Variants in THSD7B observed in about 807,000 individuals in gnomAD.
THSD7B encodes the protein thrombospondin type 1 domain containing 7B.
A neutral mutation model predicts 213.6 loss-of-function variants in THSD7B; 138 were observed. That is an observed-to-expected ratio of 0.65 (90% confidence interval 0.56 to 0.74). THSD7B has a LOEUF of 0.74. Among genes scored for constraint, THSD7B ranks in the 30% least tolerant of loss-of-function variants. THSD7B has a pLI of 0.00. For synonymous variants in THSD7B, 742 were observed against 687.0 expected, an observed-to-expected ratio of 1.08 and a Z score of -1.25; for missense variants, 1,931 against 1,991.5, an observed-to-expected ratio of 0.97 and a Z score of 0.58.
At chr2:137,439,782 A>G (rs984715971) in intron 14 of THSD7B, among the ~76,000 whole-genome samples, 1 of 152,132 alleles carries the variant, frequency 6.6e-6, no homozygotes, top group African/African-American at 2.4e-5. Flanking sequence ...AAACTTTTCG[A>G]GGTACATTTT....
At chr2:137,112,373 A>AT (rs1553471718) in intron 4 of THSD7B, among the ~76,000 whole-genome samples, 2 of 151,240 alleles carry the variant, frequency 1.3e-5, no homozygotes, top group Admixed American at 6.6e-5. Flanking sequence ...TAAAAAAAAA[A>AT]TAGCAATAGT....
rs759978910 is a variant in THSD7B at position 136,825,718 on chromosome 2, A to ATTTTTTTTTTTTTTGTTTTTTTT, written c.-35-56412_-35-56411insGTTTTTTTTTTTTTTTTTTTTTT. Among the ~76,000 whole-genome samples, 49 of 116,882 alleles carry ATTTTTTTTTTTTTTGTTTTTTTT rather than the reference A, an allele frequency of 4.2e-4. 4 individuals are homozygous for ATTTTTTTTTTTTTTGTTTTTTTT. Among genetic ancestry groups the ATTTTTTTTTTTTTTGTTTTTTTT allele is most frequent in the East Asian group, 1.8e-3 (5 of 2,730 alleles). The allele number at this position is 116,882 out of a possible 152,430, so 76.7% of individuals were successfully genotyped here. ...AGGTGCTCACTGCCATGCCTGGCTA[A>ATTTTTTTTTTTTTTGTTTTTTTT]TTTTTTTTTTTTTTTTAGATCTGGG... On this transcript the variant is annotated intron_variant, in intron 1 of 27. Transcript: ENST00000409968.
At chr2:137,619,720 A>G (rs1358346246) in intron 19 of THSD7B, among the ~76,000 whole-genome samples, 3 of 152,250 alleles carry the variant, frequency 2.0e-5, no homozygotes, top group African/African-American at 4.8e-5. Context: ...TCCAGATACC[A>G]TATGCCCAAT....
intron 12 of THSD7B, among the ~76,000 whole-genome samples, chr2:137,387,200 G>A (rs1685916265): frequency 6.6e-6 from 1 of 152,222 alleles, no homozygotes; most frequent in African/African-American, 2.4e-5. Context: ...AGTCATCAAG[G>A]AGATTTTTGG....
At chr2:137,288,248 CA>C (rs1264382126) in intron 12 of THSD7B, among the ~76,000 whole-genome samples, 1 of 152,070 alleles carries the variant, frequency 6.6e-6, no homozygotes, top group African/African-American at 2.4e-5. Flanking sequence ...GGAATGCAAA[CA>C]AATACAAAAG....
rs1215185747 is a variant in THSD7B, at chr2:137,590,792, G to GTTTTTTTTTTTTT, written c.3423+18245_3423+18257dup. 3.3e-4 allele frequency among the ~76,000 whole-genome samples: 29 copies of GTTTTTTTTTTTTT among 88,702 alleles called. 3 individuals are homozygous for GTTTTTTTTTTTTT. The highest frequency in any genetic ancestry group is 8.9e-3 in the Middle Eastern group (1 of 112). 58.2% of individuals were successfully genotyped at this position (88,702 alleles called of 152,430 possible). ...GCATTTTTCCCTCTGCTTTGAAATAGTTTTTTTTTTTTTTTTTTTTTAGCT... is the reference window on the plus strand; with the variant it reads ...GCATTTTTCCCTCTGCTTTGAAATAGTTTTTTTTTTTTTTTTTTTTTTTTTTTTTTTTTTAGCT... On this transcript the variant is annotated intron_variant, in intron 17 of 27. Coordinates refer to ENST00000409968, the MANE Select transcript of THSD7B (RefSeq NM_001316349.2).
intron 1 of THSD7B, among the ~76,000 whole-genome samples, chr2:136,780,525 A>T (rs952037862): frequency 6.6e-6 from 1 of 152,050 alleles, no homozygotes. Context: ...GTTGAATTTG[A>T]TTTCCTTTAT....
intron 1 of THSD7B, among the ~76,000 whole-genome samples, chr2:136,810,061 G>A (rs1327502258): frequency 6.6e-6 from 1 of 152,112 alleles, no homozygotes; most frequent in Non-Finnish European, 1.5e-5. Context: ...GGGGTATGCT[G>A]GCTGTGCTCT....
At chr2:137,145,313 C>G (rs1184365517) in intron 5 of THSD7B, among the ~76,000 whole-genome samples, 1 of 152,008 alleles carries the variant, frequency 6.6e-6, no homozygotes, top group African/African-American at 2.4e-5. Flanking sequence ...TGTGTCTTGT[C>G]TTTGTTCCCA....
intron 5 of THSD7B, among the ~76,000 whole-genome samples, chr2:137,159,758 T>C (rs75591664): frequency 0.046 from 7,004 of 152,272 alleles, 200 homozygotes; most frequent in Admixed American, 0.069. Flanking sequence ...GCCAGCTCCC[T>C]CGCTCAGGGG....
intron 5 of THSD7B, among the ~76,000 whole-genome samples, chr2:137,134,646 A>T (rs1308310114): frequency 6.6e-6 from 1 of 152,130 alleles, no homozygotes; most frequent in Non-Finnish European, 1.5e-5. Context: ...GGAAACGGCA[A>T]ACCTGTGGCC....
chr2:137,657,118 C>T lies in THSD7B; in HGVS notation c.4333C>T (p.Arg1445Ter), dbSNP rs1441504321. The T allele has an allele frequency of 8.1e-6, 13 of 1,613,836 alleles. No individual in the cohort carries two copies. Among genetic ancestry groups the T allele is most frequent in the African/African-American group, 1.3e-5 (1 of 74,906 alleles). The stretch of plus-strand genomic sequence containing the variant: ...AGCAAGTCTTTGGAACAATAACGAA[C>T]GAACTGTATGGTGCCAGCGTTCAGA... ...WKASLWNNNERTVWCQRSDGV... is the reference protein window; with the variant it reads ...WKASLWNNNE Residue 1445 changes from arginine to a stop codon, truncating the protein, a stop_gained, in exon 24 of 28, where the codon CGA becomes TGA. Coordinates refer to ENST00000409968, the MANE Select transcript of THSD7B (RefSeq NM_001316349.2). LOFTEE classifies it high-confidence loss of function.
At chr2:136,951,476 G>A (rs1190482437) in intron 2 of THSD7B, among the ~76,000 whole-genome samples, 1 of 152,140 alleles carries the variant, frequency 6.6e-6, no homozygotes, top group Admixed American at 6.5e-5. Context: ...TCTATTCCTG[G>A]CCCATAGGTC....
chr2:137,057,404 C>A (rs1427445165), intron 3 of THSD7B, among the ~76,000 whole-genome samples, 174 bp downstream of exon 3: 1 of 152,066 alleles, frequency 6.6e-6, no homozygotes, highest in Non-Finnish European at 1.5e-5. Context: ...TTCAAAATTG[C>A]ATAGTTTAGA....
At chr2:137,652,576 T>G (rs1334185931) in intron 21 of THSD7B, among the ~76,000 whole-genome samples, 1 of 152,136 alleles carries the variant, frequency 6.6e-6, no homozygotes, top group Non-Finnish European at 1.5e-5. Context: ...TGATAGGAAC[T>G]TGCTACTGCC....
rs1199174534 is a variant in THSD7B at position 137,561,901 on chromosome 2, T to C, written c.3139-1320T>C. Among the ~76,000 whole-genome samples the C allele has an allele frequency of 3.9e-5, 6 of 152,168 alleles. 1 individual carries two copies. Among genetic ancestry groups the C allele is most frequent in the South Asian group, 2.1e-4 (1 of 4,836 alleles). On this transcript the variant is annotated intron_variant, in intron 15 of 27. Coordinates refer to ENST00000409968, the MANE Select transcript of THSD7B (RefSeq NM_001316349.2). ...TTCTATTTTCCCATCTTTCATTTTGTCCTCACATATTTGTTACTTTGTGTT... is the reference window on the plus strand; with the variant it reads ...TTCTATTTTCCCATCTTTCATTTTGCCCTCACATATTTGTTACTTTGTGTT...
At chr2:137,277,334 G>A (rs921745459) in intron 12 of THSD7B, among the ~76,000 whole-genome samples, 1 of 151,984 alleles carries the variant, frequency 6.6e-6, no homozygotes, top group Non-Finnish European at 1.5e-5. Flanking sequence ...TTTCTAGCTG[G>A]ATGCCTGATA....
At chr2:137,583,239 C>A (rs1013904424) in intron 17 of THSD7B, among the ~76,000 whole-genome samples, 1 of 151,996 alleles carries the variant, frequency 6.6e-6, no homozygotes, top group African/African-American at 2.4e-5. Context: ...TGAATATTAG[C>A]CCTTTGTGAG....
chr2:137,418,976 G>T (rs1409654894), intron 14 of THSD7B, among the ~76,000 whole-genome samples: 2 of 151,414 alleles, frequency 1.3e-5, no homozygotes, highest in African/African-American at 4.9e-5. Flanking sequence ...GGTGCAATCT[G>T]GGCTCACTGC....
Sources: allele counts gnomAD v4.1 joint callset (sites outside exome capture counted in the v4.1 genomes callset), GRCh38; gene constraint gnomAD v4.1.1; transcripts MANE v1.5; gene names NCBI Gene and HGNC (gene_info 2026-07-23, HGNC 2026-07-21).